Variants in LRRC4C observed in about 807,000 individuals in gnomAD.
LRRC4C encodes the protein leucine rich repeat containing 4C.
A neutral mutation model predicts 33.6 loss-of-function variants in LRRC4C; 5 were observed. The observed-to-expected ratio is 0.15, with a 90% confidence interval of 0.08 to 0.31. The LOEUF (loss-of-function observed/expected upper bound fraction) is 0.31, where lower values mean the gene tolerates loss of function less well. Ranked by LOEUF, LRRC4C falls within the 10% of genes least tolerant of loss-of-function variation. The pLI is 1.00. For synonymous variants in LRRC4C, 329 were observed against 302.0 expected, an observed-to-expected ratio of 1.09 and a Z score of -0.93; for missense variants, 560 against 796.7, an observed-to-expected ratio of 0.70 and a Z score of 3.58.
At chr11:40,220,321 A>C (rs1320729428) in intron 5 of LRRC4C, among the ~76,000 whole-genome samples, 1 of 152,152 alleles carries the variant, frequency 6.6e-6, no homozygotes, top group African/African-American at 2.4e-5. Flanking sequence ...AGAGTTGAGC[A>C]CTTCATTTGA....
At chr11:41,040,808 A>G (rs1265184696) in intron 1 of LRRC4C, among the ~76,000 whole-genome samples, 2 of 152,186 alleles carry the variant, frequency 1.3e-5, no homozygotes, top group Non-Finnish European at 2.9e-5. Flanking sequence ...TAAATATACA[A>G]CCACCTTCTT....
intron 4 of LRRC4C, among the ~76,000 whole-genome samples, chr11:40,305,115 GA>G (rs962939910): frequency 6.6e-6 from 1 of 152,162 alleles, no homozygotes; most frequent in Non-Finnish European, 1.5e-5. Context: ...TTTAGTGCTC[GA>G]ATAGGGCCTT....
intron 2 of LRRC4C, among the ~76,000 whole-genome samples, chr11:40,849,466 GC>G (rs1953368092): frequency 6.6e-6 from 1 of 152,098 alleles, no homozygotes; most frequent in Non-Finnish European, 1.5e-5. Flanking sequence ...TTGAATATTG[GC>G]CCCCACTCTC....
At chr11:40,636,035 C>T (rs907429680) in intron 3 of LRRC4C, among the ~76,000 whole-genome samples, 2 of 152,098 alleles carry the variant, frequency 1.3e-5, no homozygotes, top group Admixed American at 6.5e-5. Flanking sequence ...AAGGAGGGCA[C>T]GATCTCATGC....
In LRRC4C at chr11:41,304,737, G is replaced by A. The variant is rs1290180143; in HGVS notation, c.-496+154694C>T. On this transcript the variant is annotated intron_variant, in intron 1 of 6. Coordinates refer to ENST00000528697, the MANE Select transcript of LRRC4C (RefSeq NM_001258419.2). Reference sequence around the variant, plus strand: ...AGGGAGGTGGGGGTATCAGCCCCCCGCCCGGCCAGCCGCCCCGTCTGGGAG... The same window carrying A: ...AGGGAGGTGGGGGTATCAGCCCCCCACCCGGCCAGCCGCCCCGTCTGGGAG... 3.3e-4 allele frequency among the ~76,000 whole-genome samples: 26 copies of A among 77,972 alleles called. 1 individual carries two copies. Among genetic ancestry groups the A allele is most frequent in the Admixed American group, 3.8e-4 (3 of 7,806 alleles). The allele number at this position is 77,972 out of a possible 152,430, so 51.2% of individuals were successfully genotyped here. A position where few individuals can be genotyped will look rare whatever the true frequency, so the allele number is the denominator to read the frequency against.
intron 4 of LRRC4C, among the ~76,000 whole-genome samples, chr11:40,247,263 C>T (rs1347508624): frequency 2.6e-5 from 4 of 152,140 alleles, no homozygotes; most frequent in African/African-American, 9.7e-5. Flanking sequence ...TAAACAACCT[C>T]ATTATCTGCC....
intron 1 of LRRC4C, among the ~76,000 whole-genome samples, chr11:41,287,710 T>C (rs1949872561): frequency 1.3e-5 from 2 of 152,188 alleles, no homozygotes; most frequent in Admixed American, 1.3e-4. Flanking sequence ...TATAAAATTA[T>C]GTTTCTGCTC....
At chr11:40,308,389 T>C (rs1240013694) in intron 4 of LRRC4C, among the ~76,000 whole-genome samples, 1 of 152,194 alleles carries the variant, frequency 6.6e-6, no homozygotes, top group Non-Finnish European at 1.5e-5. Flanking sequence ...TATGTTACAT[T>C]GAATAATGCC....
chr11:40,232,444 T>C (rs1443119878), intron 5 of LRRC4C, among the ~76,000 whole-genome samples: 8 of 152,220 alleles, frequency 5.3e-5, no homozygotes, highest in Admixed American at 5.2e-4. Context: ...AAGCATTTCC[T>C]ACTGCCAATA....
rs185780162 is a variant in LRRC4C, at chr11:41,079,426, G to A, written c.-495-145703C>T. On this transcript the variant is annotated intron_variant, in intron 1 of 6. Coordinates refer to ENST00000528697, the MANE Select transcript of LRRC4C (RefSeq NM_001258419.2). ...GGATAGGCACGTTTGATATTTAATT[G>A]TAAATAGTGTTGCTATACTATTCAC... is the stretch of plus-strand genomic sequence containing the variant. 6.6e-5 allele frequency among the ~76,000 whole-genome samples: 10 copies of A among 152,260 alleles called. 1 individual carries two copies. Among genetic ancestry groups the A allele is most frequent in the Admixed American group, 6.5e-4 (10 of 15,288 alleles).
chr11:40,502,753 T>C (rs1954840378), intron 3 of LRRC4C, among the ~76,000 whole-genome samples: 1 of 152,192 alleles, frequency 6.6e-6, no homozygotes, highest in African/African-American at 2.4e-5. Context: ...TTATGACTAA[T>C]AGTTTTATGA....
rs142527314 is a variant in LRRC4C at position 40,262,821 on chromosome 11, G to A, written c.-175-21223C>T. ...ACAGGGAGGGGAACATCACACACCA[G>A]GGCCTGTTGGGGAGTAGGGGGCTAG... On this transcript the variant is annotated intron_variant, in intron 4 of 6. Transcript: ENST00000528697. Among the ~76,000 whole-genome samples, 866 of 152,124 alleles carry A rather than the reference G, an allele frequency of 5.7e-3. 8 individuals carry two copies. Among genetic ancestry groups the A allele is most frequent in the African/African-American group, 0.02 (832 of 41,508 alleles).
chr11:40,712,828 G>A (rs1179526687), intron 2 of LRRC4C, among the ~76,000 whole-genome samples: 1 of 151,700 alleles, frequency 6.6e-6, no homozygotes, highest in Non-Finnish European at 1.5e-5. Context: ...TCATCCCAAA[G>A]TCATATTTAT....
intron 1 of LRRC4C, among the ~76,000 whole-genome samples, chr11:41,325,399 C>T (rs902914980): frequency 6.6e-6 from 1 of 151,974 alleles, no homozygotes; most frequent in African/African-American, 2.4e-5. Context: ...ATTTCTATGC[C>T]TAAAATAAAT....
chr11:40,514,319 C>T (rs946014285), intron 3 of LRRC4C, among the ~76,000 whole-genome samples: 1 of 152,140 alleles, frequency 6.6e-6, no homozygotes. Context: ...GCACTACACC[C>T]TAGTGGTAAA....
chr11:40,932,649 G>A (rs1221314131), intron 2 of LRRC4C, among the ~76,000 whole-genome samples: 1 of 152,094 alleles, frequency 6.6e-6, no homozygotes, highest in Non-Finnish European at 1.5e-5. Flanking sequence ...ATAGAGTATA[G>A]GTAAAGATAA....
intron 1 of LRRC4C, among the ~76,000 whole-genome samples, chr11:41,083,063 G>A (rs1481568054): frequency 6.6e-6 from 1 of 151,836 alleles, no homozygotes; most frequent in Non-Finnish European, 1.5e-5. Context: ...CTAATGTTAG[G>A]GCACCTTTAT....
At chr11:40,235,280 A>T (rs553573914) in intron 5 of LRRC4C, among the ~76,000 whole-genome samples, 1 of 152,218 alleles carries the variant, frequency 6.6e-6, no homozygotes, top group Non-Finnish European at 1.5e-5. Flanking sequence ...ATTTAGCCCA[A>T]TAGCTGGATT....
At chr11:40,326,015 A>G (rs1250124680) in intron 3 of LRRC4C, among the ~76,000 whole-genome samples, 2 of 151,728 alleles carry the variant, frequency 1.3e-5, no homozygotes, top group Non-Finnish European at 2.9e-5. Flanking sequence ...CATTGATCCA[A>G]CCATGAGGTT....
Sources: gnomAD v4.1 joint callset for allele counts (sites outside exome capture counted in the v4.1 genomes callset) on GRCh38, gnomAD v4.1.1 for gene constraint, MANE v1.5 for transcripts, NCBI Gene and HGNC (gene_info 2026-07-23, HGNC 2026-07-21) for gene names.